The following ZC3H12B variants were observed in gnomAD, a reference collection of about 807,000 sequenced individuals.
The protein encoded by ZC3H12B is probable ribonuclease ZC3H12B.
In ZC3H12B, 7 loss-of-function variants were observed where a neutral mutation model predicts 43.9. That is an observed-to-expected ratio of 0.16 (90% confidence interval 0.09 to 0.30). ZC3H12B has a LOEUF of 0.30. Ranked by LOEUF, ZC3H12B falls within the 10% of genes least tolerant of loss-of-function variation. The probability of loss-of-function intolerance (pLI) is 1.00; values close to 1 mark genes in which losing one functional copy is unlikely to be tolerated. For synonymous variants in ZC3H12B, 222 were observed against 241.7 expected, an observed-to-expected ratio of 0.92 and a Z score of 0.76; for missense variants, 475 against 670.2, an observed-to-expected ratio of 0.71 and a Z score of 3.22.
At chrX:65,489,335 G>T (rs2068172840) in exon 1 of ZC3H12B, 15 of 1,208,750 alleles carry the variant, frequency 1.2e-5, no homozygotes, top group Non-Finnish European at 1.7e-5. Context: ...GCCCTGAATT[G>T]TCTCTTGAAG....
intron 3 of ZC3H12B, among the ~76,000 whole-genome samples, chrX:65,413,302 G>A (rs1461622957): frequency 9.0e-6 from 1 of 111,510 alleles, no homozygotes; most frequent in Non-Finnish European, 1.9e-5. Flanking sequence ...TTTAATTTTT[G>A]TAAGGTCTAA....
At chrX:65,473,734 G>T (rs183480153) in intron 3 of ZC3H12B, among the ~76,000 whole-genome samples, 18 of 112,035 alleles carry the variant, frequency 1.6e-4, no homozygotes, top group Admixed American at 5.7e-4. Flanking sequence ...TAGAAGTGAT[G>T]ATAATCTTCA....
the ZC3H12B span, among the ~76,000 whole-genome samples, chrX:65,244,185 G>T: frequency 9.0e-6 from 1 of 110,951 alleles, no homozygotes; most frequent in Non-Finnish European, 1.9e-5. Flanking sequence ...CAGTTACCCT[G>T]ATTTGGTCAT....
chrX:65,348,006 G>A, the ZC3H12B span, among the ~76,000 whole-genome samples: 19 of 109,876 alleles, frequency 1.7e-4, no homozygotes, highest in Non-Finnish European at 3.0e-4. Context: ...CAAACACTGC[G>A]TGTTCTCATA....
At chrX:65,124,184 A>T in the ZC3H12B span, among the ~76,000 whole-genome samples, 1 of 110,588 alleles carries the variant, frequency 9.0e-6, no homozygotes, top group Admixed American at 9.7e-5. Context: ...ATTTTGCTGG[A>T]AGTTTTCTAT....
At chrX:65,483,709 G>A (rs915256830) in intron 3 of ZC3H12B, among the ~76,000 whole-genome samples, 12 of 112,095 alleles carry the variant, frequency 1.1e-4, no homozygotes, top group African/African-American at 3.6e-4. Context: ...TACTGTTATC[G>A]AAGTTTTATA....
At chrX:65,228,068 G>T in the ZC3H12B span, among the ~76,000 whole-genome samples, 1 of 111,671 alleles carries the variant, frequency 9.0e-6, no homozygotes, top group Non-Finnish European at 1.9e-5. Context: ...AAGCCTGGCA[G>T]AGACACAACC....
the ZC3H12B span, among the ~76,000 whole-genome samples, chrX:65,110,919 G>C: frequency 3.6e-5 from 4 of 111,133 alleles, no homozygotes; most frequent in African/African-American, 1.3e-4. Flanking sequence ...GCATTGTGTA[G>C]TTTTCAGCAT....
chrX:65,382,725 T>G (rs1274725664), intron 2 of ZC3H12B, among the ~76,000 whole-genome samples: 1 of 111,817 alleles, frequency 8.9e-6, no homozygotes, highest in African/African-American at 3.3e-5. Context: ...GCCAAAAATC[T>G]CCTTAAGCTG....
the ZC3H12B span, chrX:65,187,413 T>A: frequency 4.5e-5 from 5 of 111,500 alleles, no homozygotes; most frequent in African/African-American, 1.6e-4. Flanking sequence ...TATAAAGGCT[T>A]TCAGAGCTAA....
chrX:65,271,193 G>A, the ZC3H12B span: 1 of 112,070 alleles, frequency 8.9e-6, no homozygotes, highest in African/African-American at 3.2e-5. Context: ...CACATCAGTG[G>A]TCATTATTGC....
chrX:65,465,027 T>C (rs2067799555), intron 3 of ZC3H12B, among the ~76,000 whole-genome samples: 1 of 111,502 alleles, frequency 9.0e-6, no homozygotes, highest in Admixed American at 9.6e-5. Context: ...GAGGCTTATG[T>C]ATGCCCTAAC....
chrX:65,239,872 T>C, the ZC3H12B span, among the ~76,000 whole-genome samples: 1 of 112,062 alleles, frequency 8.9e-6, no homozygotes, highest in African/African-American at 3.2e-5. Flanking sequence ...GGTTGGAATT[T>C]TTTTTTCTTT....
chrX:65,224,118 G>A, the ZC3H12B span, among the ~76,000 whole-genome samples: 32 of 112,504 alleles, frequency 2.8e-4, no homozygotes, highest in Admixed American at 8.5e-4. Context: ...ATATTACTCT[G>A]CCATAAAAAG....
the ZC3H12B span, among the ~76,000 whole-genome samples, chrX:65,356,643 T>C: frequency 8.9e-6 from 1 of 112,161 alleles, no homozygotes; most frequent in South Asian, 3.7e-4. Context: ...TGTATATTCA[T>C]ATATGTTATT....
the ZC3H12B span, among the ~76,000 whole-genome samples, chrX:65,177,493 CTGTT>C: frequency 8.9e-6 from 1 of 112,159 alleles, no homozygotes; most frequent in Non-Finnish European, 1.9e-5. Context: ...CAAATTGTCT[CTGTT>C]TGCAGATGAC....
chrX:65,422,930 T>C (rs2067037002), intron 3 of ZC3H12B, among the ~76,000 whole-genome samples: 1 of 84,636 alleles, frequency 1.2e-5, no homozygotes, highest in Admixed American at 1.2e-4. Context: ...CTTTGCTTTT[T>C]TTTTTTTTTT....
chrX:65,433,908 A>G (rs73518280), intron 3 of ZC3H12B, among the ~76,000 whole-genome samples: 9,244 of 111,485 alleles, frequency 0.083, 1,028 homozygotes, highest in African/African-American at 0.29. Flanking sequence ...CTTTGAGTGA[A>G]ACTTTTCTTT....
the ZC3H12B span, among the ~76,000 whole-genome samples, chrX:65,123,775 G>A: frequency 9.7e-6 from 1 of 102,870 alleles, no homozygotes; most frequent in Non-Finnish European, 2.0e-5. Context: ...TTGAGTTATA[G>A]ATTTGATTTT....
Sources: allele counts gnomAD v4.1 joint callset (sites outside exome capture counted in the v4.1 genomes callset), GRCh38; gene constraint gnomAD v4.1.1; transcripts MANE v1.5; gene names NCBI Gene and HGNC (gene_info 2026-07-23, HGNC 2026-07-21).